The following TNS4 variants were observed in gnomAD, a reference collection of about 807,000 sequenced individuals.
The protein encoded by TNS4 is tensin-4.
A neutral mutation model predicts 70.4 loss-of-function variants in TNS4; 46 were observed. That is an observed-to-expected ratio of 0.65 (90% CI 0.52 to 0.84). The LOEUF (loss-of-function observed/expected upper bound fraction) is 0.84, where lower values mean the gene tolerates loss of function less well. Among genes scored for constraint, TNS4 ranks in the 40% least tolerant of loss-of-function variants. The pLI, the probability that TNS4 is intolerant of heterozygous loss-of-function variation, is 0.00. For missense variants in TNS4, 863 were observed against 907.0 expected, an observed-to-expected ratio of 0.95 and a Z score of 0.62; for synonymous variants, 390 against 366.6, an observed-to-expected ratio of 1.06 and a Z score of -0.73.
At chr17:40,492,609 T>G (rs952179143) in intron 2 of TNS4, among the ~76,000 whole-genome samples, 77 of 141,548 alleles carry the variant, frequency 5.4e-4, no homozygotes, top group Admixed American at 1.5e-3. Context: ...TTTTTTTTTT[T>G]TTTTGTTTTA....
chr17:40,499,341 C>A (rs982573886), intron 1 of TNS4, among the ~76,000 whole-genome samples: 7 of 152,210 alleles, frequency 4.6e-5, no homozygotes, highest in African/African-American at 1.7e-4. Context: ...ACAGGAAATG[C>A]TCACTCGGGG....
In TNS4 at chr17:40,482,360, C is replaced by T. The variant is rs770216547; in HGVS notation, c.1558G>A (p.Val520Met). 2 of 1,614,144 alleles carry T rather than the reference C, an allele frequency of 1.2e-6. No individual in the cohort carries two copies. The highest frequency in any genetic ancestry group is 1.1e-5 in the South Asian group (1 of 91,090). ...HFLIESSAKG[V>M]HLKGADEEPY... ...TCCTCATCTGCTCCTTTGAGATGCA[C>T]TCCTTTGGCAGACGACTCGATGAGG... The change falls in exon 7 of 13, where the codon GTG becomes ATG. Residue 520 changes from valine to methionine, a missense_variant. Physicochemically the swap from Val to Met is conservative, Grantham distance 21 (BLOSUM62 1). Transcript: ENST00000254051.
chr17:40,478,209 A>G, intron 12 of TNS4, 98 bp downstream of exon 12: 1 of 1,518,282 alleles, frequency 6.6e-7, no homozygotes, highest in Non-Finnish European at 9.1e-7. Flanking sequence ...CTGTGCCCTC[A>G]TCAACACTTT....
In TNS4 at chr17:40,482,335, TC is replaced by T. The variant is rs759889227; in HGVS notation, c.1582del (p.Glu528SerfsTer60). The T allele has an allele frequency of 6.2e-7, 1 of 1,614,152 alleles. No individual in the cohort carries two copies. The highest frequency in any genetic ancestry group is 8.5e-7 in the Non-Finnish European group (1 of 1,180,044). ...CTGGGGAGTCTCACCAAAGTAGGGC[TC>T]CTCATCTGCTCCTTTGAGATGCACT... ...KGVHLKGADE[E>X]PYFGSLSAFV... On this transcript the variant is annotated frameshift_variant, in exon 7 of 13. Transcript: ENST00000254051. LOFTEE classifies it high-confidence loss of function.
Position 40,479,783 on chromosome 17 carries a change from C to A in TNS4, c.1801G>T (p.Val601Leu). 6.2e-7 allele frequency: 1 copy of A among 1,613,958 alleles called. No homozygotes were observed. Among genetic ancestry groups the A allele is most frequent in the Admixed American group, 1.7e-5 (1 of 60,024 alleles). Residue 601 changes from valine to leucine, a missense_variant, in exon 10 of 13, where the codon GTG (valine) becomes TTG (leucine). Transcript: ENST00000254051. Reference sequence around the variant, plus strand: ...AAGGTGGTGGAGATGGCTTTCTGCACGGCCAGGGCTCCAGTCAGGGTCTCC... The same window carrying A: ...AAGGTGGTGGAGATGGCTTTCTGCAAGGCCAGGGCTCCAGTCAGGGTCTCC... ...SVETLTGALA[V>L]QKAISTTFER... is the part of the protein sequence containing the mutation.
chr17:40,478,833 C>T (rs1321432692), intron 10 of TNS4, among the ~76,000 whole-genome samples, 185 bp from the exon 11 acceptor site: 5 of 152,204 alleles, frequency 3.3e-5, no homozygotes, highest in African/African-American at 1.2e-4. Context: ...TGCCTCTCTC[C>T]TCTCATGGGG....
intron 8 of TNS4, 151 bp from the exon 9 acceptor site, chr17:40,480,919 T>A: frequency 1.1e-6 from 1 of 881,276 alleles, no homozygotes; most frequent in Non-Finnish European, 1.7e-6. Flanking sequence ...GTGATTACCG[T>A]AATTAGGCAA....
At chr17:40,488,321 A>C (rs1367809907) in intron 3 of TNS4, among the ~76,000 whole-genome samples, 1 of 152,178 alleles carries the variant, frequency 6.6e-6, no homozygotes, top group Non-Finnish European at 1.5e-5. Flanking sequence ...CGGCTCTTTT[A>C]CCAAAAGGTA....
At chr17:40,483,883 C>A (rs150696052) in intron 6 of TNS4, among the ~76,000 whole-genome samples, 1 of 152,136 alleles carries the variant, frequency 6.6e-6, no homozygotes, top group Admixed American at 6.6e-5. Flanking sequence ...TTGAGTGAGG[C>A]CTATGACCCA....
intron 2 of TNS4, among the ~76,000 whole-genome samples, chr17:40,494,450 G>A (rs529547153): frequency 2.6e-5 from 4 of 152,282 alleles, no homozygotes; most frequent in Admixed American, 1.3e-4. Flanking sequence ...TAAAATATTC[G>A]GCAGGGTGTG....
Position 40,496,216 on chromosome 17 carries a change from T to C in TNS4, c.210A>G (p.Pro70=), listed in dbSNP as rs1262657961. The change falls in exon 2 of 13, where the codon CCA becomes CCG. Residue 70 remains proline (P), a synonymous_variant. Transcript: ENST00000254051. ...AGCAGGTGGCTTTGGCCTCCACCTGTGGGGCTTGCTGGAGTCGGCCAGGGG... is the reference window on the plus strand; with the variant it reads ...AGCAGGTGGCTTTGGCCTCCACCTGCGGGGCTTGCTGGAGTCGGCCAGGGG... ...MGPPGRLQQA[P]QVEAKATCFL... 3.1e-6 allele frequency: 5 copies of C among 1,599,180 alleles called. No individual in the cohort carries two copies. Among genetic ancestry groups the C allele is most frequent in the Non-Finnish European group, 4.3e-6 (5 of 1,173,126 alleles).
chr17:40,481,992 T>G, intron 8 of TNS4, 137 bp downstream of exon 8: 1 of 934,296 alleles, frequency 1.1e-6, no homozygotes, highest in Non-Finnish European at 1.6e-6. Flanking sequence ...GAGGTGGAGA[T>G]GTTGAGCGAC....
intron 12 of TNS4, 77 bp from the exon 13 acceptor site, chr17:40,477,806 G>C (rs1597686043): frequency 1.0e-5 from 14 of 1,387,040 alleles, no homozygotes; most frequent in Non-Finnish European, 1.4e-5. Flanking sequence ...GTGGTGGGGG[G>C]CCCTCAGCCT....
rs773406723 is a variant in TNS4 at position 40,487,284 on chromosome 17, G to A, written c.1040C>T (p.Thr347Ile). 1.9e-6 allele frequency: 3 copies of A among 1,614,194 alleles called. No individual in the cohort carries two copies. In the South Asian group the frequency reaches 3.3e-5, roughly 18 times the overall value. Residue 347 changes from threonine to isoleucine, a missense_variant, in exon 4 of 13, where the codon ACA becomes ATA. Transcript: ENST00000254051. ...NPTLTMGQPR[T>I]PHSPPLAKEH... Reference sequence around the variant, plus strand: ...TTTGGCCAGTGGTGGAGAGTGGGGTGTTCTGGGTTGGCCCATGGTTAGGGT... The same window carrying A: ...TTTGGCCAGTGGTGGAGAGTGGGGTATTCTGGGTTGGCCCATGGTTAGGGT...
chr17:40,479,146 C>T (rs1186417134), intron 10 of TNS4, among the ~76,000 whole-genome samples: 2 of 151,838 alleles, frequency 1.3e-5, no homozygotes, highest in South Asian at 2.1e-4. Context: ...CCATTTCCTT[C>T]CTTCCTTCCT....
At position 40,484,937 on chromosome 17, in the gene TNS4, G is replaced by A. The variant is rs2035971937; in HGVS notation, c.1359C>T (p.Asn453=). 1 of 1,614,110 alleles carries A rather than the reference G, an allele frequency of 6.2e-7. No homozygotes were observed. Among genetic ancestry groups the A allele is most frequent in the African/African-American group, 1.3e-5 (1 of 74,930 alleles). The part of the protein sequence containing the change: ...MDTSKYWFKP[N]ITREQAIELL... ...TCCTTTTACCTTGCTCTCGGGTGAT[G>A]TTTGGCTTAAACCAGTATTTAGATG... The change falls in exon 5 of 13, where the codon AAC becomes AAT. Residue 453 remains asparagine (N), a synonymous_variant. Transcript: ENST00000254051.
rs1490955409 is a variant in TNS4, at chr17:40,496,337, G to C, written c.89C>G (p.Pro30Arg). The change falls in exon 2 of 13, where the codon CCA becomes CGA. Residue 30 changes from proline to arginine, a missense_variant. Pro to Arg is a moderately radical substitution (Grantham distance 103). Transcript: ENST00000254051. ...PCDEPRRTLHPAPSPSLPPQC... is the reference protein window; with the variant it reads ...PCDEPRRTLHRAPSPSLPPQC... ...GGGTGGCAGGCTGGGGCTGGGTGCTGGGTGCAGGGTCCTCCTGGGCTCATC... is the reference window on the plus strand; with the variant it reads ...GGGTGGCAGGCTGGGGCTGGGTGCTCGGTGCAGGGTCCTCCTGGGCTCATC... 2 of 1,613,464 alleles carry C rather than the reference G, an allele frequency of 1.2e-6. No individual in the cohort carries two copies. Among genetic ancestry groups the C allele is most frequent in the African/African-American group, 1.3e-5 (1 of 74,906 alleles).
chr17:40,496,255 C>T lies in TNS4; in HGVS notation c.171G>A (p.Val57=). 1.2e-6 allele frequency: 2 copies of T among 1,602,938 alleles called. No homozygotes were observed. Among genetic ancestry groups the T allele is most frequent in the South Asian group, 2.2e-5 (2 of 89,146 alleles). Residue 57 remains valine, a synonymous_variant, in exon 2 of 13, where the codon GTG becomes GTA. Transcript: ENST00000254051. ...GWGAQALMAP[V]PCMGPPGRLQ... ...GTCGGCCAGGGGGCCCCATGCAGGG[C>T]ACGGGGGCCATCAGGGCCTGGGCTC... is the stretch of plus-strand genomic sequence containing the variant.
At chr17:40,499,705 C>T (rs1264587734) in intron 1 of TNS4, among the ~76,000 whole-genome samples, 1 of 152,220 alleles carries the variant, frequency 6.6e-6, no homozygotes. Context: ...CCTCTGCGCT[C>T]CCGCCCTCCC....
Sources: gnomAD v4.1 joint callset for allele counts (sites outside exome capture counted in the v4.1 genomes callset) on GRCh38, gnomAD v4.1.1 for gene constraint, MANE v1.5 for transcripts, NCBI Gene and HGNC (gene_info 2026-07-23, HGNC 2026-07-21) for gene names.